The following CCDC7 variants were observed in gnomAD, a reference collection of about 807,000 sequenced individuals.
CCDC7 encodes coiled-coil domain containing 7.
A neutral mutation model predicts 196.9 loss-of-function variants in CCDC7; 183 were observed. The observed-to-expected ratio is 0.93, with a 90% CI of 0.82 to 1.05. CCDC7 has a LOEUF of 1.05. Ranked by LOEUF, CCDC7 falls within the 50% of genes least tolerant of loss-of-function variation. The pLI is 0.00. For synonymous variants in CCDC7, 525 were observed against 484.6 expected, an observed-to-expected ratio of 1.08 and a Z score of -1.10; for missense variants, 1,540 against 1,482.2, an observed-to-expected ratio of 1.04 and a Z score of -0.64.
chr10:32,676,292 T>C (rs2074955929), intron 21 of CCDC7, among the ~76,000 whole-genome samples: 1 of 151,160 alleles, frequency 6.6e-6, no homozygotes, highest in African/African-American at 2.4e-5. Flanking sequence ...GGCAATACCA[T>C]TCAGGACATA....
chr10:32,633,149 A>G (rs796864829), intron 18 of CCDC7, among the ~76,000 whole-genome samples: 2 of 152,178 alleles, frequency 1.3e-5, no homozygotes, highest in East Asian at 1.9e-4. Context: ...CTCAATTTGC[A>G]CGTACACACA....
chr10:32,752,125 C>A (rs2075758473), intron 28 of CCDC7, among the ~76,000 whole-genome samples: 1 of 152,060 alleles, frequency 6.6e-6, no homozygotes, highest in South Asian at 2.1e-4. Context: ...ATAGGAAAAA[C>A]CCTATACCAT....
At chr10:32,606,148 G>A (rs1237821200) in intron 18 of CCDC7, among the ~76,000 whole-genome samples, 1 of 152,236 alleles carries the variant, frequency 6.6e-6, no homozygotes, top group Non-Finnish European at 1.5e-5. Flanking sequence ...TCAGGCCACT[G>A]CTTCAGAGGG....
chr10:32,579,086 C>A (rs2058497892), intron 16 of CCDC7, among the ~76,000 whole-genome samples: 1 of 152,152 alleles, frequency 6.6e-6, no homozygotes, highest in South Asian at 2.1e-4. Context: ...CTTGGCATAT[C>A]TTGCCAAATC....
chr10:32,700,224 T>G (rs567891811), intron 24 of CCDC7, among the ~76,000 whole-genome samples: 1 of 149,656 alleles, frequency 6.7e-6, no homozygotes, highest in African/African-American at 2.6e-5. Flanking sequence ...CTTGAATTAA[T>G]TTTTGTATAA....
intron 13 of CCDC7, among the ~76,000 whole-genome samples, chr10:32,562,515 G>C (rs2055898624): frequency 1.3e-5 from 2 of 152,150 alleles, no homozygotes; most frequent in Admixed American, 1.3e-4. Flanking sequence ...ATCAATAAAT[G>C]TAATCCAGCA....
chr10:32,686,691 T>C (rs2076503117), intron 22 of CCDC7, among the ~76,000 whole-genome samples: 1 of 152,216 alleles, frequency 6.6e-6, no homozygotes, highest in Non-Finnish European at 1.5e-5. Context: ...AGAGGGACCA[T>C]AGTTTGACAG....
intron 21 of CCDC7, among the ~76,000 whole-genome samples, chr10:32,677,627 T>C (rs1469063643): frequency 6.6e-6 from 1 of 152,180 alleles, no homozygotes; most frequent in East Asian, 1.9e-4. Context: ...ATGTCATTTT[T>C]TTCTTTCCAT....
rs146255017 is a variant in CCDC7 at position 32,504,409 on chromosome 10, G to A, written c.872+12412G>A. ...ATTACAGGCATGAGCCACCATGCCC[G>A]GCCTATTTCTGCTCTTTGTAATTTT... On this transcript the variant is annotated intron_variant, in intron 9 of 41. Transcript: ENST00000639629. Among the ~76,000 whole-genome samples the A allele has an allele frequency of 5.1e-3, 771 of 152,040 alleles. 5 individuals are homozygous for A. Among genetic ancestry groups the A allele is most frequent in the Non-Finnish European group, 8.9e-3 (607 of 67,960 alleles).
intron 29 of CCDC7, among the ~76,000 whole-genome samples, chr10:32,784,655 T>A (rs2081550913): frequency 6.7e-6 from 1 of 149,978 alleles, no homozygotes; most frequent in Non-Finnish European, 1.5e-5. Flanking sequence ...CACTGCAACC[T>A]TCGCCTCCCG....
chr10:32,619,910 CTTTTTTTTTTTTTTTT>C (rs56089046), intron 18 of CCDC7, among the ~76,000 whole-genome samples: 5 of 79,260 alleles, frequency 6.3e-5, no homozygotes, highest in East Asian at 4.7e-4. Context: ...TTCAATGTAC[CTTTTTTTTTTTTTTTT>C]TTTTTTTTTT....
Position 32,661,670 on chromosome 10 carries a change from C to T in CCDC7, c.2015-2384C>T, listed in dbSNP as rs193233729. 4.4e-3 allele frequency among the ~76,000 whole-genome samples: 673 copies of T among 152,246 alleles called. 2 individuals carry two copies. The highest frequency in any genetic ancestry group is 6.8e-3 in the Middle Eastern group (2 of 294). ...TGGCCCAGGATGTGTCTAGAAGTGT[C>T]ATCCAGGAACTAAGGCCTGGAACGG... On this transcript the variant is annotated intron_variant, in intron 20 of 41. Transcript: ENST00000639629.
At chr10:32,691,792 T>C (rs1231139783) in intron 23 of CCDC7, among the ~76,000 whole-genome samples, 1 of 152,130 alleles carries the variant, frequency 6.6e-6, no homozygotes, top group African/African-American at 2.4e-5. Context: ...CAAGGGGCCA[T>C]TGTAGCCTCT....
chr10:32,624,446 A>C (rs370878739), intron 18 of CCDC7, among the ~76,000 whole-genome samples: 59 of 152,204 alleles, frequency 3.9e-4, no homozygotes, highest in African/African-American at 1.3e-3. Flanking sequence ...TTGCATTTTA[A>C]CAATCAGATG....
intron 32 of CCDC7, among the ~76,000 whole-genome samples, chr10:32,832,915 A>G (rs2092321603): frequency 6.6e-6 from 1 of 152,184 alleles, no homozygotes; most frequent in Admixed American, 6.6e-5. Flanking sequence ...AATATATTTG[A>G]CAATAGCAGC....
Position 32,845,180 on chromosome 10 carries a change from A to G in CCDC7, c.3353-63A>G, listed in dbSNP as rs1316037191. Reference sequence around the variant, plus strand: ...TATCCTCCTATAATTAAACACATACACATACTCAGATTTGGTAATGTTTAC... The same window carrying G: ...TATCCTCCTATAATTAAACACATACGCATACTCAGATTTGGTAATGTTTAC... On this transcript the variant is annotated intron_variant, in intron 33 of 41. Transcript: ENST00000639629. 3.1e-6 allele frequency: 3 copies of G among 962,240 alleles called. No individual in the cohort carries two copies. In the East Asian group the frequency reaches 7.9e-5, roughly 25 times the overall value. The allele number at this position is 962,240 out of a possible 1,614,324, so 59.6% of individuals were successfully genotyped here. A position where few individuals can be genotyped will look rare whatever the true frequency, so the allele number is the denominator to read the frequency against.
At chr10:32,554,400 C>A (rs1455556875) in intron 13 of CCDC7, among the ~76,000 whole-genome samples, 1 of 152,214 alleles carries the variant, frequency 6.6e-6, no homozygotes, top group South Asian at 2.1e-4. Flanking sequence ...TGGAGTTTTA[C>A]CCCCTGGTCC....
chr10:32,696,910 A>G (rs2077807826), intron 24 of CCDC7, among the ~76,000 whole-genome samples: 1 of 152,164 alleles, frequency 6.6e-6, no homozygotes, highest in Non-Finnish European at 1.5e-5. Context: ...TATGATCTAG[A>G]TCAGTGGTCC....
rs984146344 is a variant in CCDC7, at chr10:32,843,166, C to CA, written c.3353-2070dup. ...TAACTCAAATCCACCGGAACAAATG[C>CA]AAAAAAATATATAAATAAGAAGGTT... On this transcript the variant is annotated intron_variant, in intron 33 of 41. Transcript: ENST00000639629. Among the ~76,000 whole-genome samples, 5 of 150,580 alleles carry CA rather than the reference C, an allele frequency of 3.3e-5. No homozygotes were observed. The East Asian group carries it at 7.8e-4, about 24-fold the overall frequency.
Sources: allele counts gnomAD v4.1 joint callset (sites outside exome capture counted in the v4.1 genomes callset), GRCh38; gene constraint gnomAD v4.1.1; transcripts MANE v1.5; gene names NCBI Gene and HGNC (gene_info 2026-07-23, HGNC 2026-07-21).